Variants in AAMDC observed in about 807,000 individuals in gnomAD.
AAMDC encodes the protein adipogenesis associated Mth938 domain containing.
Under a neutral mutation model 15.5 loss-of-function variants are expected in AAMDC, and 16 were observed. That is an observed-to-expected ratio of 1.03 (90% CI 0.70 to 1.57). AAMDC has a LOEUF of 1.57. AAMDC is among the 40% of genes most tolerant of loss of function. The probability of loss-of-function intolerance (pLI) is 0.00; values close to 1 mark genes in which losing one functional copy is unlikely to be tolerated. For missense variants in AAMDC, 141 were observed against 144.9 expected, an observed-to-expected ratio of 0.97 and a Z score of 0.14; for synonymous variants, 51 against 51.6, an observed-to-expected ratio of 0.99 and a Z score of 0.05.
downstream of AAMDC, among the ~76,000 whole-genome samples, chr11:77,901,087 G>A (rs993028414): frequency 6.6e-6 from 1 of 152,178 alleles, no homozygotes; most frequent in Non-Finnish European, 1.5e-5. Flanking sequence ...AACAGAAAAA[G>A]TGGTCCCTGG....
chr11:77,836,696 C>T (rs1482158188), intron 1 of AAMDC, among the ~76,000 whole-genome samples: 3 of 152,152 alleles, frequency 2.0e-5, no homozygotes, highest in South Asian at 2.1e-4. Flanking sequence ...CCGGGCGCAG[C>T]GGCTTACGCT....
intron 5 of AAMDC, among the ~76,000 whole-genome samples, chr11:77,893,928 A>G (rs1952394725): frequency 2.0e-5 from 1 of 50,616 alleles, no homozygotes; most frequent in African/African-American, 6.9e-5. Context: ...AATAAATAAG[A>G]ATGGTGTGAA....
At chr11:77,853,257 C>T (rs893800633) in intron 2 of AAMDC, among the ~76,000 whole-genome samples, 1 of 152,166 alleles carries the variant, frequency 6.6e-6, no homozygotes. Flanking sequence ...CTATAAAGAA[C>T]TACCTGAGAC....
At chr11:77,866,655 T>A (rs1013545149) in intron 2 of AAMDC, 3 of 152,198 alleles carry the variant, frequency 2.0e-5, no homozygotes, top group Admixed American at 1.3e-4. Flanking sequence ...TACACTTGGA[T>A]TTCCAGCAGT....
chr11:77,836,922 G>A (rs972184340), intron 1 of AAMDC, among the ~76,000 whole-genome samples: 9 of 152,052 alleles, frequency 5.9e-5, no homozygotes, highest in Non-Finnish European at 7.4e-5. Flanking sequence ...CCAAGATCGC[G>A]CCATTGCACT....
chr11:77,891,419 G>T, intron 5 of AAMDC: 1 of 1,613,606 alleles, frequency 6.2e-7, no homozygotes, highest in Non-Finnish European at 8.5e-7. Flanking sequence ...AGGGTTGTCT[G>T]ACTCGCCCGC....
intron 1 of AAMDC, chr11:77,841,268 A>G (rs1398359343): frequency 1.4e-6 from 1 of 702,100 alleles, no homozygotes; most frequent in Non-Finnish European, 2.6e-6. Context: ...AAATTTAAAC[A>G]TGAGTTTGGA....
chr11:77,864,413 C>A (rs1951019376), intron 2 of AAMDC, among the ~76,000 whole-genome samples: 1 of 151,742 alleles, frequency 6.6e-6, no homozygotes. Context: ...GCACTCCAGC[C>A]TGGGCAACAG....
chr11:77,850,817 C>T (rs922068799), intron 2 of AAMDC: 1 of 151,944 alleles, frequency 6.6e-6, no homozygotes, highest in African/African-American at 2.4e-5. Flanking sequence ...TACACTCACA[C>T]TTTGTCCCCC....
At chr11:77,864,282 A>G (rs1951012549) in intron 2 of AAMDC, among the ~76,000 whole-genome samples, 1 of 152,000 alleles carries the variant, frequency 6.6e-6, no homozygotes, top group African/African-American at 2.4e-5. Context: ...CATCTCTACT[A>G]AAAATACAAA....
chr11:77,841,243 G>A, intron 1 of AAMDC: 1 of 702,398 alleles, frequency 1.4e-6, no homozygotes, highest in Non-Finnish European at 2.6e-6. Flanking sequence ...TCTTAATGTT[G>A]TTATAATGGC....
chr11:77,858,302 CTTTT>C (rs71473358), intron 2 of AAMDC, among the ~76,000 whole-genome samples: 3 of 69,348 alleles, frequency 4.3e-5, no homozygotes, highest in Non-Finnish European at 7.5e-5. Flanking sequence ...TTAAGCAATT[CTTTT>C]TTTTTTTTTT....
At chr11:77,879,395 T>C (rs576499928) in intron 5 of AAMDC, among the ~76,000 whole-genome samples, 2 of 152,174 alleles carry the variant, frequency 1.3e-5, no homozygotes, top group Non-Finnish European at 1.5e-5. Context: ...AGGAAGATAA[T>C]TGCTTCATGA....
intron 1 of AAMDC, among the ~76,000 whole-genome samples, chr11:77,839,529 T>C (rs192948401): frequency 1.2e-3 from 183 of 152,308 alleles, no homozygotes; most frequent in African/African-American, 4.2e-3. Flanking sequence ...CATATATTCA[T>C]TGCAGCACTG....
intron 5 of AAMDC, among the ~76,000 whole-genome samples, chr11:77,881,240 T>G (rs964208381): frequency 4.6e-5 from 7 of 152,210 alleles, no homozygotes; most frequent in African/African-American, 1.7e-4. Flanking sequence ...GTAAAATAAC[T>G]TTCTCAGGAT....
chr11:77,853,908 T>C (rs1950501106), intron 2 of AAMDC, among the ~76,000 whole-genome samples: 1 of 151,550 alleles, frequency 6.6e-6, no homozygotes, highest in South Asian at 2.1e-4. Flanking sequence ...ACCACTGTAC[T>C]CCAGCCTGAG....
At chr11:77,828,944 T>A (rs1009656609) in intron 1 of AAMDC, among the ~76,000 whole-genome samples, 1 of 152,172 alleles carries the variant, frequency 6.6e-6, no homozygotes, top group Non-Finnish European at 1.5e-5. Context: ...TGAACAAAGT[T>A]GAAGGACTCA....
chr11:77,841,015 A>G (rs1236866925), intron 1 of AAMDC: 1 of 521,598 alleles, frequency 1.9e-6, no homozygotes, highest in African/African-American at 1.9e-5. Context: ...TTTTTTTCTC[A>G]CAGTTCTGGA....
At chr11:77,840,445 C>T (rs1388007715) in intron 1 of AAMDC, among the ~76,000 whole-genome samples, 4 of 152,208 alleles carry the variant, frequency 2.6e-5, no homozygotes, top group African/African-American at 9.6e-5. Flanking sequence ...AGGATAATCA[C>T]TTGAACCCCG....
Sources: allele counts gnomAD v4.1 joint callset (sites outside exome capture counted in the v4.1 genomes callset), GRCh38; gene constraint gnomAD v4.1.1; transcripts MANE v1.5; gene names NCBI Gene and HGNC (gene_info 2026-07-23, HGNC 2026-07-21).